The following TIMP3 variants were observed in gnomAD, a reference collection of about 807,000 sequenced individuals.
The protein encoded by TIMP3 is metalloproteinase inhibitor 3.
A neutral mutation model predicts 30.0 loss-of-function variants in TIMP3; 11 were observed. The observed-to-expected ratio is 0.37, with a 90% CI of 0.23 to 0.61. The LOEUF is 0.61. TIMP3 is among the 20% of genes least tolerant of loss of function. TIMP3 has a pLI of 0.70. For synonymous variants in TIMP3, 112 were observed against 111.3 expected (o/e 1.01, Z -0.04); for missense variants, 181 against 276.8 (o/e 0.65, Z 2.45).
At chr22:32,852,856 A>G (rs1244565358) in intron 2 of TIMP3, among the ~76,000 whole-genome samples, 1 of 152,156 alleles carries the variant, frequency 6.6e-6, no homozygotes, top group Admixed American at 6.5e-5. Flanking sequence ...TGGCTGCTCT[A>G]AGCTGTGGGG....
chr22:32,854,340 G>A (rs1293754518), intron 2 of TIMP3, among the ~76,000 whole-genome samples: 3 of 152,124 alleles, frequency 2.0e-5, no homozygotes, highest in African/African-American at 7.2e-5. Flanking sequence ...GCGGTGCCAA[G>A]CTGATTTCGA....
chr22:32,814,317 C>CAGAT (rs1409921861), intron 1 of TIMP3, among the ~76,000 whole-genome samples: 1 of 43,694 alleles, frequency 2.3e-5, no homozygotes, highest in Non-Finnish European at 4.5e-5. Context: ...GAGAGAGAGA[C>CAGAT]AGAAAGAAAG....
chr22:32,846,286 T>A (rs963548824), intron 1 of TIMP3, among the ~76,000 whole-genome samples: 1 of 152,236 alleles, frequency 6.6e-6, no homozygotes, highest in East Asian at 1.9e-4. Context: ...TTCTGACTAC[T>A]TCATCTGTGC....
intron 1 of TIMP3, among the ~76,000 whole-genome samples, chr22:32,834,710 G>A (rs2047679487): frequency 1.3e-5 from 2 of 152,182 alleles, no homozygotes; most frequent in South Asian, 4.1e-4. Context: ...AGGACAGCTG[G>A]CCCTGTGCTT....
At chr22:32,818,110 TC>T (rs1162763932) in intron 1 of TIMP3, among the ~76,000 whole-genome samples, 6 of 151,844 alleles carry the variant, frequency 4.0e-5, no homozygotes, top group Non-Finnish European at 5.9e-5. Flanking sequence ...AGCAACAAAA[TC>T]CCCCCAAAAA....
chr22:32,829,135 G>A (rs1272350403), intron 1 of TIMP3, among the ~76,000 whole-genome samples: 1 of 152,138 alleles, frequency 6.6e-6, no homozygotes, highest in Non-Finnish European at 1.5e-5. Flanking sequence ...AAGAGGAACT[G>A]CTTAATTCAG....
intron 1 of TIMP3, among the ~76,000 whole-genome samples, chr22:32,839,282 T>C (rs2047826794): frequency 6.6e-6 from 1 of 151,724 alleles, no homozygotes; most frequent in African/African-American, 2.4e-5. Context: ...TAAATGAGGG[T>C]TGTGGATCCC....
At chr22:32,859,094 C>G in intron 4 of TIMP3, 86 bp from the exon 5 acceptor site, 2 of 1,390,416 alleles carry the variant, frequency 1.4e-6, no homozygotes, top group Non-Finnish European at 2.0e-6. Context: ...TGCAGTGGCC[C>G]CAGGGTCTGA....
At chr22:32,857,211 T>C (rs749078043) in intron 2 of TIMP3, 38 bp from the exon 3 acceptor site, 2 of 1,535,728 alleles carry the variant, frequency 1.3e-6, no homozygotes. Flanking sequence ...GTGTCCAAAC[T>C]GGGAAAGAAG....
chr22:32,830,352 T>C (rs1192082741), intron 1 of TIMP3, among the ~76,000 whole-genome samples: 1 of 152,204 alleles, frequency 6.6e-6, no homozygotes, highest in East Asian at 1.9e-4. Flanking sequence ...GAGCCTTGTA[T>C]GATTGCATCT....
intron 1 of TIMP3, among the ~76,000 whole-genome samples, chr22:32,824,849 T>C (rs1019805791): frequency 2.6e-5 from 4 of 152,194 alleles, no homozygotes; most frequent in African/African-American, 9.7e-5. Context: ...CTCCCTACTC[T>C]TGCAGAATAC....
At chr22:32,804,070 C>T (rs772997912) in intron 1 of TIMP3, among the ~76,000 whole-genome samples, 1 of 152,194 alleles carries the variant, frequency 6.6e-6, no homozygotes, top group Non-Finnish European at 1.5e-5. Flanking sequence ...ATAGCTCCCT[C>T]GCTCCTCTTC....
chr22:32,828,330 G>A (rs1030458019), intron 1 of TIMP3, among the ~76,000 whole-genome samples: 2 of 152,164 alleles, frequency 1.3e-5, no homozygotes, highest in African/African-American at 4.8e-5. Context: ...AGCTTCTTAG[G>A]ACAACATTCT....
At chr22:32,824,219 A>G (rs1024019010) in intron 1 of TIMP3, among the ~76,000 whole-genome samples, 9 of 150,100 alleles carry the variant, frequency 6.0e-5, no homozygotes, top group African/African-American at 2.2e-4. Flanking sequence ...TGGAGGTTGC[A>G]GTGAGACGAC....
intron 2 of TIMP3, among the ~76,000 whole-genome samples, chr22:32,850,187 G>A (rs573881075): frequency 6.6e-6 from 1 of 151,454 alleles, no homozygotes; most frequent in South Asian, 2.1e-4. Context: ...ACAGGAAGGA[G>A]GTATGCCCTT....
rs1386455549 is a variant in TIMP3 at position 32,814,337 on chromosome 22, AAGAGAAAGAAAG to A, written c.121+12229_121+12240del. Among the ~76,000 whole-genome samples, 4 of 25,910 alleles carry A rather than the reference AAGAGAAAGAAAG, an allele frequency of 1.5e-4. No individual in the cohort carries two copies. The East Asian group carries it at 6.3e-3, about 41-fold the overall frequency. 17.0% of individuals were successfully genotyped at this position (25,910 alleles called of 152,430 possible). On this transcript the variant is annotated intron_variant, in intron 1 of 4. Transcript: ENST00000266085. ...AGAGACAGAAAGAAAGAAAGAAAGA[AAGAGAAAGAAAG>A]AGAGAAAGAAAGAAAGAAAGAAAGA...
intron 1 of TIMP3, among the ~76,000 whole-genome samples, chr22:32,808,253 A>C (rs2046818598): frequency 6.6e-6 from 1 of 152,226 alleles, no homozygotes; most frequent in Non-Finnish European, 1.5e-5. Context: ...TTGAACACAC[A>C]TACACAGGGT....
intron 1 of TIMP3, among the ~76,000 whole-genome samples, chr22:32,825,330 G>T (rs559453251): frequency 6.6e-6 from 1 of 152,154 alleles, no homozygotes; most frequent in Non-Finnish European, 1.5e-5. Context: ...AGAACTTCTA[G>T]ATCCAGAGGA....
rs1336568722 is a variant in TIMP3, at chr22:32,837,533, G to A, written c.122-11919G>A. 6.6e-6 allele frequency among the ~76,000 whole-genome samples: 1 copy of A among 152,150 alleles called. No homozygotes were observed. The highest frequency in any genetic ancestry group is 1.5e-5 in the Non-Finnish European group (1 of 68,026). ...AGGGCTTGAGGGGAGACAGGGTACG[G>A]CGGGAGACAGAGATGCATGAAATAC... On this transcript the variant is annotated intron_variant, in intron 1 of 4. Transcript: ENST00000266085. The surrounding 1 kb of genome is among the most constrained non-coding windows in gnomAD (Gnocchi z 4.1).
Sources: gnomAD v4.1 joint callset for allele counts (sites outside exome capture counted in the v4.1 genomes callset) on GRCh38, gnomAD v4.1.1 for gene constraint, Gnocchi (gnomAD v3.1) non-coding constraint, MANE v1.5 for transcripts, NCBI Gene and HGNC (gene_info 2026-07-23, HGNC 2026-07-21) for gene names.